Variants in C5orf63 observed in about 807,000 individuals in gnomAD.
C5orf63 encodes glutaredoxin-like protein C5orf63.
In C5orf63, 18 loss-of-function variants were observed where a neutral mutation model predicts 13.3. The ratio of observed to expected loss-of-function variants is 1.36; its 90% CI spans 0.94 to 2.01. C5orf63 has a LOEUF of 2.01. Ranked by LOEUF, C5orf63 falls within the 30% of genes most tolerant of loss-of-function variation. The pLI is 0.00. For synonymous variants in C5orf63, 38 were observed against 44.7 expected (o/e 0.85, Z 0.60); for missense variants, 118 against 127.7 (o/e 0.92, Z 0.36).
At chr5:127,056,520 C>CATCAG in intron 3 of C5orf63, 1 of 152,430 alleles carries the variant, frequency 6.6e-6, no homozygotes, top group African/African-American at 2.4e-5. Flanking sequence ...TTTTCAAAAC[C>CATCAG]ATCAGATCTT....
At chr5:127,064,174 A>T (rs1754230668) in intron 2 of C5orf63, among the ~76,000 whole-genome samples, 1 of 152,160 alleles carries the variant, frequency 6.6e-6, no homozygotes, top group East Asian at 1.9e-4. Context: ...AAGAGTGACA[A>T]GAAGAGGTGC....
rs190593306 is a variant in C5orf63 at position 127,070,327 on chromosome 5, C to A, written c.-8+1257G>T. The stretch of plus-strand genomic sequence containing the variant: ...GTTTTAAAAAAATCAAATAATTCAA[C>A]GTCATGTCCTTCCCTCCTGACTAAA... On this transcript the variant is annotated intron_variant, in intron 2 of 4. Transcript: ENST00000296662. Among the ~76,000 whole-genome samples the A allele has an allele frequency of 1.7e-3, 252 of 152,272 alleles. 2 individuals are homozygous for A. Among genetic ancestry groups the A allele is most frequent in the Admixed American group, 0.014 (220 of 15,294 alleles).
intron 2 of C5orf63, among the ~76,000 whole-genome samples, chr5:127,063,579 T>C (rs1754192728): frequency 6.6e-6 from 1 of 152,208 alleles, no homozygotes; most frequent in African/African-American, 2.4e-5. Context: ...GCTCATGTGA[T>C]CCCTCATCAG....
In C5orf63 at chr5:127,073,436, A is replaced by C. The variant is rs939663759; in HGVS notation, c.-110+15T>G. On this transcript the variant is annotated intron_variant, in intron 1 of 4. Coordinates refer to ENST00000296662, the MANE Select transcript of C5orf63 (RefSeq NM_001164478.2). The stretch of plus-strand genomic sequence containing the variant: ...CGCGAGCGCTCACCCTCGGCGCGGG[A>C]CTAAGGGAACCCACCTGAGCCTCAC... The C allele has an allele frequency of 1.3e-5, 2 of 152,284 alleles. No individual in the cohort carries two copies. The highest frequency in any genetic ancestry group is 1.9e-4 in the East Asian group (1 of 5,194). The allele number at this position is 152,284 out of a possible 1,614,324, so 9.4% of individuals were successfully genotyped here. A position where few individuals can be genotyped will look rare whatever the true frequency, so the allele number is the denominator to read the frequency against.
downstream of C5orf63, chr5:127,047,188 A>G (rs559389296): frequency 3.9e-5 from 6 of 154,036 alleles, no homozygotes; most frequent in African/African-American, 1.4e-4. Context: ...ACTCCTTCAT[A>G]AGGCATTAGC....
At chr5:127,045,332 G>C (rs1753498610) in exon 5 of C5orf63, 1 of 152,210 alleles carries the variant, frequency 6.6e-6, no homozygotes. Flanking sequence ...GGCTATAGGG[G>C]ATAATCTGTT....
intron 3 of C5orf63, among the ~76,000 whole-genome samples, chr5:127,057,019 A>G (rs1753910249): frequency 6.6e-6 from 1 of 152,214 alleles, no homozygotes; most frequent in Non-Finnish European, 1.5e-5. Context: ...TTCTGGCTAT[A>G]TAAACTGCTG....
chr5:127,060,271 CATA>C (rs1231642431), intron 2 of C5orf63, among the ~76,000 whole-genome samples: 1 of 152,124 alleles, frequency 6.6e-6, no homozygotes, highest in Non-Finnish European at 1.5e-5. Context: ...AGGAGATCAT[CATA>C]ACTTTTGGAA....
intron 4 of C5orf63, 115 bp from the exon 5 acceptor site, chr5:127,052,062 T>C: frequency 2.2e-6 from 2 of 889,552 alleles, no homozygotes; most frequent in Middle Eastern, 2.5e-4. Context: ...TAGTTGTTTG[T>C]TTGTTTTAGG....
downstream of C5orf63, chr5:127,044,159 C>G (rs1443084725): frequency 2.6e-5 from 4 of 152,156 alleles, no homozygotes; most frequent in Non-Finnish European, 4.4e-5. Flanking sequence ...TAATATTTGG[C>G]CTACAGTATT....
intron 2 of C5orf63, among the ~76,000 whole-genome samples, chr5:127,067,328 G>A (rs1201848097): frequency 6.6e-6 from 1 of 152,186 alleles, no homozygotes; most frequent in African/African-American, 2.4e-5. Context: ...TCTATTGACT[G>A]AAATGTGCTT....
In C5orf63 at chr5:127,051,779, C is replaced by A; in HGVS notation, c.340G>T (p.Gly114Ter). Residue 114 changes from glycine (G) to a stop codon, truncating the protein, a stop_gained, in exon 5 of 5, where the codon GGA becomes TGA. Transcript: ENST00000296662. LOFTEE classifies it high-confidence loss of function. ...QLLKLEQQST[G>*]G The stretch of plus-strand genomic sequence containing the variant: ...AATCATGAGGGCATCAGTCAGCCTC[C>A]AGTACTTTGCTGCTCAAGTTTCAGG... 1 of 1,516,846 alleles carries A rather than the reference C, an allele frequency of 6.6e-7. No homozygotes were observed. Among genetic ancestry groups the A allele is most frequent in the Non-Finnish European group, 8.8e-7 (1 of 1,137,962 alleles). 94.0% of individuals were successfully genotyped at this position (1,516,846 alleles called of 1,614,324 possible).
chr5:127,053,712 C>CTCCAAATGATGGTTTCCAGCTT lies in C5orf63; in HGVS notation c.115-1065_115-1044dup, dbSNP rs1384164074. Among the ~76,000 whole-genome samples, 7 of 152,316 alleles carry CTCCAAATGATGGTTTCCAGCTT rather than the reference C, an allele frequency of 4.6e-5. No homozygotes were observed. In the East Asian group the frequency reaches 1.4e-3, roughly 29 times the overall value. ...GGTTTTCTGTCCATGCGACAGTTTG[C>CTCCAAATGATGGTTTCCAGCTT]TCCAAATGATGGTTTCCAGCTTCAT... On this transcript the variant is annotated intron_variant, in intron 3 of 4. Coordinates refer to ENST00000296662, the MANE Select transcript of C5orf63 (RefSeq NM_001164478.2).
Position 127,051,815 on chromosome 5 carries a change from C to T in C5orf63, c.304G>A (p.Glu102Lys). 1 of 1,530,816 alleles carries T rather than the reference C, an allele frequency of 6.5e-7. No individual in the cohort carries two copies. Among genetic ancestry groups the T allele is most frequent in the Non-Finnish European group, 8.7e-7 (1 of 1,144,674 alleles). 94.8% of individuals were successfully genotyped at this position (1,530,816 alleles called of 1,614,324 possible). A position where few individuals can be genotyped will look rare whatever the true frequency, so the allele number is the denominator to read the frequency against. The part of the protein sequence containing the change: ...MMHRVNTSKL[E>K]KQLLKLEQQS... ...TGCTCAAGTTTCAGGAGCTGTTTTTCAAGTTTTGAGGTGTTTACTCGATGC... is the reference window on the plus strand; with the variant it reads ...TGCTCAAGTTTCAGGAGCTGTTTTTTAAGTTTTGAGGTGTTTACTCGATGC... The change falls in exon 5 of 5, where the codon GAA becomes AAA. Residue 102 changes from glutamate to lysine, a missense_variant. Physicochemically the swap from Glu to Lys is moderately conservative, Grantham distance 56 (BLOSUM62 1). Coordinates refer to ENST00000296662, the MANE Select transcript of C5orf63 (RefSeq NM_001164478.2).
downstream of C5orf63, among the ~76,000 whole-genome samples, chr5:127,050,564 T>C (rs895932026): frequency 6.6e-6 from 1 of 152,020 alleles, no homozygotes; most frequent in Non-Finnish European, 1.5e-5. Flanking sequence ...CTGCAATGAG[T>C]CCAGAGAGTA....
chr5:127,052,051 A>C, intron 4 of C5orf63, 104 bp from the exon 5 acceptor site: 1 of 981,428 alleles, frequency 1.0e-6, no homozygotes, highest in East Asian at 2.9e-5. Context: ...CATTTTCCTT[A>C]TAGTTGTTTG....
chr5:127,066,125 A>G (rs1041685455), intron 2 of C5orf63, among the ~76,000 whole-genome samples: 9 of 152,182 alleles, frequency 5.9e-5, no homozygotes, highest in African/African-American at 1.9e-4. Flanking sequence ...TGATTTATTG[A>G]AAGAAACAGA....
chr5:127,065,796 G>A (rs1245546404), intron 2 of C5orf63, among the ~76,000 whole-genome samples: 1 of 152,142 alleles, frequency 6.6e-6, no homozygotes, highest in Admixed American at 6.5e-5. Context: ...AGAGAAGTCA[G>A]TTATGAAAAT....
intron 2 of C5orf63, among the ~76,000 whole-genome samples, chr5:127,066,231 G>A (rs886991024): frequency 6.6e-6 from 1 of 152,102 alleles, no homozygotes; most frequent in Non-Finnish European, 1.5e-5. Context: ...GATCACGTAG[G>A]CCTTGTGGGT....
Sources: allele counts gnomAD v4.1 joint callset (sites outside exome capture counted in the v4.1 genomes callset), GRCh38; gene constraint gnomAD v4.1.1; transcripts MANE v1.5; gene names NCBI Gene and HGNC (gene_info 2026-07-23, HGNC 2026-07-21).